PGM2: variants seen among roughly 807,000 people sequenced by gnomAD.
PGM2 encodes the protein phosphopentomutase.
Under a neutral mutation model 74.6 loss-of-function variants are expected in PGM2, and 57 were observed. The observed-to-expected ratio is 0.76, with a 90% CI of 0.62 to 0.95. PGM2 has a LOEUF of 0.95. PGM2 is among the 40% of genes least tolerant of loss of function. PGM2 has a pLI of 0.00. For synonymous variants in PGM2, 273 were observed against 260.7 expected (o/e 1.05, Z -0.46); for missense variants, 706 against 741.9 (o/e 0.95, Z 0.56).
chr4:37,836,516 A>G (rs1249583927), intron 3 of PGM2, among the ~76,000 whole-genome samples: 2 of 152,154 alleles, frequency 1.3e-5, no homozygotes, highest in African/African-American at 2.4e-5. Flanking sequence ...CAGAGAACGC[A>G]TTGCATTTTT....
At chr4:37,844,149 TA>T (rs1405075762) in intron 6 of PGM2, among the ~76,000 whole-genome samples, 1 of 152,156 alleles carries the variant, frequency 6.6e-6, no homozygotes, top group African/African-American at 2.4e-5. Flanking sequence ...AAACCTGAAA[TA>T]ATCAGATTTG....
At chr4:37,832,186 T>A (rs888165391) in intron 2 of PGM2, among the ~76,000 whole-genome samples, 2 of 152,206 alleles carry the variant, frequency 1.3e-5, no homozygotes, top group Non-Finnish European at 2.9e-5. Context: ...AAGTGCTCAT[T>A]CAGCCTATTC....
rs1725601239 is a variant in PGM2 at position 37,837,578 on chromosome 4, T to G, written c.406T>G (p.Tyr136Asp). ...ATTTATCAGTCAGGGGATTCCTGTGTACCTCTTTTCTGATATAACGCCAAC... is the reference window on the plus strand; with the variant it reads ...ATTTATCAGTCAGGGGATTCCTGTGGACCTCTTTTCTGATATAACGCCAAC... ...TTFISQGIPVYLFSDITPTPF... is the reference protein window; with the variant it reads ...TTFISQGIPVDLFSDITPTPF... The change falls in exon 4 of 14, where the codon TAC (tyrosine) becomes GAC (aspartate). Residue 136 changes from tyrosine to aspartate, a missense_variant. Tyr to Asp is a radical substitution (Grantham distance 160). Around this residue, in one of 3 missense-constraint regions of PGM2, gnomAD observed 332 missense variants for 334.9 expected, o/e 0.99. Transcript: ENST00000381967. 1 of 1,613,128 alleles carries G rather than the reference T, an allele frequency of 6.2e-7. No individual in the cohort carries two copies. The highest frequency in any genetic ancestry group is 1.7e-5 in the Admixed American group (1 of 60,008).
At position 37,850,180 on chromosome 4, in the gene PGM2, A is replaced by T; in HGVS notation, c.1413-4A>T. 3 of 1,500,990 alleles carry T rather than the reference A, an allele frequency of 2.0e-6. No homozygotes were observed. Among genetic ancestry groups the T allele is most frequent in the Non-Finnish European group, 2.7e-6 (3 of 1,107,758 alleles). 93.0% of individuals were successfully genotyped at this position (1,500,990 alleles called of 1,614,324 possible). ...ATGTGCATGAATTTGTATTTGTTTG[A>T]TAGGTATGGCTACCATATTACTAAA... is the stretch of plus-strand genomic sequence containing the variant. On this transcript the variant is annotated splice_polypyrimidine_tract_variant and splice_region_variant and intron_variant, in intron 11 of 13. Transcript: ENST00000381967.
At chr4:37,854,174 T>C (rs1453894488) in intron 12 of PGM2, among the ~76,000 whole-genome samples, 2 of 152,198 alleles carry the variant, frequency 1.3e-5, no homozygotes, top group Non-Finnish European at 2.9e-5. Flanking sequence ...CATCAGCTGC[T>C]ACCTCCTCTT....
At chr4:37,844,056 G>A (rs74455190) in intron 6 of PGM2, among the ~76,000 whole-genome samples, 12,493 of 152,162 alleles carry the variant, frequency 0.082, 985 homozygotes, top group East Asian at 0.18. Flanking sequence ...CAGGGCACCT[G>A]TCAGGCCAGC....
chr4:37,862,833 G>T lies in PGM2; in HGVS notation c.*1221G>T, dbSNP rs983280928. The T allele has an allele frequency of 1.3e-5, 2 of 151,768 alleles. No homozygotes were observed. The highest frequency in any genetic ancestry group is 2.4e-5 in the African/African-American group (1 of 41,290). 9.4% of individuals were successfully genotyped at this position (151,768 alleles called of 1,614,324 possible). A position where few individuals can be genotyped will look rare whatever the true frequency, so the allele number is the denominator to read the frequency against. ...CAGAACTCTTAAATCTATAATATTC[G>T]ATATATTCTACAAACTGCTTTATTG... On this transcript the variant is annotated 3_prime_UTR_variant, in exon 14 of 14. Coordinates refer to ENST00000381967, the MANE Select transcript of PGM2 (RefSeq NM_018290.4).
intron 8 of PGM2, among the ~76,000 whole-genome samples, chr4:37,846,584 A>G (rs540683990): frequency 2.0e-5 from 3 of 152,318 alleles, no homozygotes; most frequent in South Asian, 2.1e-4. Flanking sequence ...CTTACTCTAT[A>G]TATGGGGGAT....
chr4:37,855,801 T>G (rs756489626), intron 13 of PGM2, 60 bp downstream of exon 13: 2 of 1,389,580 alleles, frequency 1.4e-6, no homozygotes, highest in Non-Finnish European at 1.9e-6. Context: ...ACTGGTTCTA[T>G]TCAAATGCCA....
intron 2 of PGM2, among the ~76,000 whole-genome samples, chr4:37,833,283 TG>T (rs1416186682): frequency 6.6e-6 from 1 of 152,224 alleles, no homozygotes; most frequent in African/African-American, 2.4e-5. Flanking sequence ...GGCTTGGACA[TG>T]GTGGCTCATG....
At chr4:37,830,896 A>G (rs1725425461) in intron 2 of PGM2, among the ~76,000 whole-genome samples, 1 of 152,172 alleles carries the variant, frequency 6.6e-6, no homozygotes, top group African/African-American at 2.4e-5. Context: ...ATCTAAGGGT[A>G]TAGAATTACC....
At chr4:37,829,623 T>C (rs1298181844) in intron 1 of PGM2, among the ~76,000 whole-genome samples, 1 of 151,984 alleles carries the variant, frequency 6.6e-6, no homozygotes, top group African/African-American at 2.4e-5. Flanking sequence ...ATTTTGCAAA[T>C]AGGGAAACAG....
rs144117055 is a variant in PGM2 at position 37,829,016 on chromosome 4, A to G, written c.82-948A>G. On this transcript the variant is annotated intron_variant, in intron 1 of 13. Transcript: ENST00000381967. ...CAGTAGTATTTCAAAGTTTAATTAA[A>G]TGGCCACGTCCTGCGTGAGTGCTCA... Among the ~76,000 whole-genome samples the G allele has an allele frequency of 3.6e-3, 544 of 152,364 alleles. 3 individuals are homozygous for G. The highest frequency in any genetic ancestry group is 6.8e-3 in the Middle Eastern group (2 of 294).
intron 12 of PGM2, among the ~76,000 whole-genome samples, chr4:37,853,987 C>G: frequency 6.6e-6 from 1 of 152,196 alleles, no homozygotes; most frequent in East Asian, 1.9e-4. Context: ...TCACATCTGC[C>G]TTTTGCAGTA....
intron 13 of PGM2, among the ~76,000 whole-genome samples, chr4:37,857,816 ATAT>A (rs762192084): frequency 7.9e-5 from 12 of 152,334 alleles, no homozygotes; most frequent in South Asian, 2.1e-4. Flanking sequence ...TTTTATTGTA[ATAT>A]TATGCAAGAA....
chr4:37,859,494 T>TA (rs1457784616), intron 13 of PGM2, among the ~76,000 whole-genome samples: 1 of 152,198 alleles, frequency 6.6e-6, no homozygotes, highest in Non-Finnish European at 1.5e-5. Context: ...CAGGTGGAAT[T>TA]CTTCAGGAAA....
chr4:37,830,195 G>A, intron 2 of PGM2, 64 bp downstream of exon 2: 1 of 1,182,478 alleles, frequency 8.5e-7, no homozygotes, highest in Non-Finnish European at 1.2e-6. Context: ...CTATTTGGCA[G>A]ACCTAATTTA....
rs946852775 is a variant in PGM2 at position 37,843,034 on chromosome 4, G to GA, written c.720-1324dup. On this transcript the variant is annotated intron_variant, in intron 6 of 13. Transcript: ENST00000381967. ...GTATATTATCATGCATGTTATAGAT[G>GA]AAAAAACTACAAGGAAGAGTGGTTA... 1.2e-4 allele frequency among the ~76,000 whole-genome samples: 18 copies of GA among 152,108 alleles called. No individual in the cohort carries two copies. The South Asian group carries it at 2.9e-3, about 25-fold the overall frequency.
At chr4:37,842,234 G>A (rs527254058) in intron 6 of PGM2, among the ~76,000 whole-genome samples, 2 of 149,396 alleles carry the variant, frequency 1.3e-5, no homozygotes, top group Non-Finnish European at 3.0e-5. Context: ...GATGTTTTCT[G>A]TTGTCTTTGG....
Sources: gnomAD v4.1 joint callset for allele counts (sites outside exome capture counted in the v4.1 genomes callset) on GRCh38, gnomAD v4.1.1 for gene constraint, gnomAD v4.1.1 regional missense constraint, MANE v1.5 for transcripts, NCBI Gene and HGNC (gene_info 2026-07-23, HGNC 2026-07-21) for gene names.